Variants in EIF2AK4 observed in about 807,000 individuals in gnomAD.
The protein encoded by EIF2AK4 is eukaryotic translation initiation factor 2 alpha kinase 4.
A neutral mutation model predicts 211.1 loss-of-function variants in EIF2AK4; 139 were observed. The ratio of observed to expected loss-of-function variants is 0.66; its 90% CI spans 0.57 to 0.76. EIF2AK4 has a LOEUF of 0.76. Among genes scored for constraint, EIF2AK4 ranks in the 30% least tolerant of loss-of-function variants. EIF2AK4 has a pLI of 0.00. For synonymous variants in EIF2AK4, 710 were observed against 751.3 expected, an observed-to-expected ratio of 0.94 and a Z score of 0.90; for missense variants, 1,664 against 2,043.8, an observed-to-expected ratio of 0.81 and a Z score of 3.58.
In EIF2AK4 at chr15:39,934,313, G is replaced by T; in HGVS notation, c.118G>T (p.Asp40Tyr). 6.2e-7 allele frequency: 1 copy of T among 1,611,650 alleles called. No homozygotes were observed. Among genetic ancestry groups the T allele is most frequent in the Non-Finnish European group, 8.5e-7 (1 of 1,179,038 alleles). ...GGCCATTTACGGCGCGGACTTCCAA[G>T]ACCTGCGGCCGGACGCTTGCGGACC... ...LEAIYGADFQDLRPDACGPVK... is the reference protein window; with the variant it reads ...LEAIYGADFQYLRPDACGPVK... Residue 40 changes from aspartate to tyrosine, a missense_variant, in exon 1 of 39, where the codon GAC becomes TAC. Transcript: ENST00000263791.
Position 39,979,560 on chromosome 15 carries a change from T to C in EIF2AK4, c.2319+1413T>C, listed in dbSNP as rs115430966. ...AGCTTGTCAAGTGCTTGCTAGAAATTATTTTTAAAATGCTTCTACATGTAA... is the reference window on the plus strand; with the variant it reads ...AGCTTGTCAAGTGCTTGCTAGAAATCATTTTTAAAATGCTTCTACATGTAA... On this transcript the variant is annotated intron_variant, in intron 13 of 38. Transcript: ENST00000263791. Among the ~76,000 whole-genome samples, 629 of 152,362 alleles carry C rather than the reference T, an allele frequency of 4.1e-3. 4 individuals carry two copies. The highest frequency in any genetic ancestry group is 0.014 in the African/African-American group (600 of 41,584).
At chr15:40,004,112 A>G (rs971022444) in intron 23 of EIF2AK4, among the ~76,000 whole-genome samples, 4 of 152,266 alleles carry the variant, frequency 2.6e-5, no homozygotes, top group Non-Finnish European at 5.9e-5. Context: ...TCCAGAGATG[A>G]CAGGAGTGTA....
chr15:39,943,258 G>T, intron 2 of EIF2AK4, 125 bp from the exon 3 acceptor site: 1 of 672,022 alleles, frequency 1.5e-6, no homozygotes, highest in South Asian at 2.4e-5. Context: ...CAGGGATATG[G>T]TTGAAGTCCC....
chr15:39,973,109 T>G lies in EIF2AK4; in HGVS notation c.1660+95T>G, dbSNP rs2307107. ...CAAAAACTGGAAGGGGCTGCATGTG[T>G]TATTTTATGTCTTTTATTCTGAACT... On this transcript the variant is annotated intron_variant, in intron 10 of 38. Transcript: ENST00000263791. 69,057 of 988,104 alleles carry G rather than the reference T, an allele frequency of 0.07. 5,222 individuals are homozygous for G. The highest frequency in any genetic ancestry group is 0.29 in the Admixed American group (14,802 of 51,344). 61.2% of individuals were successfully genotyped at this position (988,104 alleles called of 1,614,324 possible). A position where few individuals can be genotyped will look rare whatever the true frequency, so the allele number is the denominator to read the frequency against.
At chr15:39,964,581 G>A (rs1015129293) in intron 7 of EIF2AK4, among the ~76,000 whole-genome samples, 6 of 152,116 alleles carry the variant, frequency 3.9e-5, no homozygotes, top group African/African-American at 1.2e-4. Context: ...TAGTGTCAAG[G>A]TGTTATATAT....
chr15:39,997,173 C>A, intron 19 of EIF2AK4, 108 bp downstream of exon 19: 1 of 777,452 alleles, frequency 1.3e-6, no homozygotes, highest in Non-Finnish European at 2.1e-6. Context: ...ATAGAAGAGG[C>A]TGCCCTACTG....
intron 19 of EIF2AK4, among the ~76,000 whole-genome samples, chr15:39,997,484 T>C (rs2035032907): frequency 6.6e-6 from 1 of 152,172 alleles, no homozygotes; most frequent in Non-Finnish European, 1.5e-5. Flanking sequence ...TATTCTGAGA[T>C]TTACTCTTGA....
rs951642254 is a variant in EIF2AK4 at position 39,955,887 on chromosome 15, A to G, written c.743+119A>G. The G allele has an allele frequency of 3.5e-5, 37 of 1,052,048 alleles. No individual in the cohort carries two copies. The African/African-American group carries it at 6.0e-4, about 17-fold the overall frequency. 65.2% of individuals were successfully genotyped at this position (1,052,048 alleles called of 1,614,324 possible). On this transcript the variant is annotated intron_variant, in intron 6 of 38. Coordinates refer to ENST00000263791, the MANE Select transcript of EIF2AK4 (RefSeq NM_001013703.4). Reference sequence around the variant, plus strand: ...CGATAGTCTTAATAACTTTTTTCAAACCTTATATATCTTAATATATTAGCA... The same window carrying G: ...CGATAGTCTTAATAACTTTTTTCAAGCCTTATATATCTTAATATATTAGCA...
At chr15:39,966,991 A>T (rs1198693522) in intron 8 of EIF2AK4, among the ~76,000 whole-genome samples, 1 of 152,222 alleles carries the variant, frequency 6.6e-6, no homozygotes, top group Non-Finnish European at 1.5e-5. Flanking sequence ...TTTAAATTAA[A>T]GTTTGTTTTT....
At chr15:39,958,504 G>A (rs1182900609) in intron 6 of EIF2AK4, among the ~76,000 whole-genome samples, 2 of 152,126 alleles carry the variant, frequency 1.3e-5, no homozygotes, top group Non-Finnish European at 2.9e-5. Flanking sequence ...AAAAACTTGG[G>A]GAACCATTAA....
intron 5 of EIF2AK4, among the ~76,000 whole-genome samples, chr15:39,955,043 T>A (rs936569131): frequency 6.6e-6 from 1 of 152,184 alleles, no homozygotes; most frequent in Non-Finnish European, 1.5e-5. Context: ...AAACTAAACC[T>A]GCGTAAAAAT....
intron 36 of EIF2AK4, among the ~76,000 whole-genome samples, chr15:40,032,540 G>A (rs1264467902): frequency 6.6e-6 from 1 of 152,170 alleles, no homozygotes; most frequent in African/African-American, 2.4e-5. Flanking sequence ...CAGACCTTTC[G>A]GGTGTGGTGT....
intron 27 of EIF2AK4, 27 bp downstream of exon 27, chr15:40,011,373 C>T (rs2140939833): frequency 6.4e-7 from 1 of 1,572,240 alleles, no homozygotes; most frequent in Non-Finnish European, 8.7e-7. Context: ...GGTATTATTA[C>T]AGCTTTCTCT....
rs1387932649 is a variant in EIF2AK4 at position 39,949,067 on chromosome 15, C to T, written c.361-49C>T. The T allele has an allele frequency of 1.9e-6, 3 of 1,596,620 alleles. No individual in the cohort carries two copies. In the South Asian group the frequency reaches 3.3e-5, roughly 18 times the overall value. On this transcript the variant is annotated intron_variant, in intron 3 of 38. Transcript: ENST00000263791. Reference sequence around the variant, plus strand: ...TGTTCTGTAGCCTCTCCTGTTTGGGCCTTCCCATTATTTGATCATTTGTGG... The same window carrying T: ...TGTTCTGTAGCCTCTCCTGTTTGGGTCTTCCCATTATTTGATCATTTGTGG...
At position 39,965,161 on chromosome 15, in the gene EIF2AK4, G is replaced by A. The variant is rs534163244; in HGVS notation, c.860-525G>A. ...TTTGAGACAGAGTCTTGCTCTTGTC[G>A]CCCAGGCTGGAGTGCAATGGTGCGT... is the stretch of plus-strand genomic sequence containing the variant. On this transcript the variant is annotated intron_variant, in intron 7 of 38. Coordinates refer to ENST00000263791, the MANE Select transcript of EIF2AK4 (RefSeq NM_001013703.4). Among the ~76,000 whole-genome samples the A allele has an allele frequency of 4.6e-5, 7 of 152,088 alleles. No homozygotes were observed. In the South Asian group the frequency reaches 6.2e-4, roughly 14 times the overall value.
At chr15:39,948,785 G>A (rs2034264447) in intron 3 of EIF2AK4, among the ~76,000 whole-genome samples, 1 of 152,126 alleles carries the variant, frequency 6.6e-6, no homozygotes, top group East Asian at 1.9e-4. Flanking sequence ...TAAATGTTTT[G>A]TCAGATTTAT....
At chr15:40,019,319 TTTGAAACTTACCTTTAATATGATAGAC>T in intron 30 of EIF2AK4, 119 bp downstream of exon 30, 3 of 704,814 alleles carry the variant, frequency 4.3e-6, no homozygotes, top group Middle Eastern at 4.9e-4. Context: ...GACGTAGGGT[TTTGAAACTTACCTTTAATATGATAGAC>T]AAGCCTAAGA....
chr15:39,942,542 T>A (rs765822448), intron 2 of EIF2AK4, among the ~76,000 whole-genome samples: 5 of 152,192 alleles, frequency 3.3e-5, no homozygotes, highest in Non-Finnish European at 7.3e-5. Flanking sequence ...TACTCAGAAA[T>A]GCTTGGTAAA....
At chr15:39,945,049 T>C (rs2034208375) in intron 3 of EIF2AK4, among the ~76,000 whole-genome samples, 1 of 152,234 alleles carries the variant, frequency 6.6e-6, no homozygotes, top group African/African-American at 2.4e-5. Flanking sequence ...ACAAGGGGAT[T>C]CCAGTGTCTA....
Sources: gnomAD v4.1 joint callset for allele counts (sites outside exome capture counted in the v4.1 genomes callset) on GRCh38, gnomAD v4.1.1 for gene constraint, MANE v1.5 for transcripts, NCBI Gene and HGNC (gene_info 2026-07-23, HGNC 2026-07-21) for gene names.